The following DACH1 variants were observed in gnomAD, a reference collection of about 807,000 sequenced individuals.
DACH1 encodes dachshund homolog 1.
In DACH1, 12 loss-of-function variants were observed where a neutral mutation model predicts 54.2. The ratio of observed to expected loss-of-function variants is 0.22; its 90% CI spans 0.14 to 0.36. The LOEUF (loss-of-function observed/expected upper bound fraction) is 0.36. Among genes scored for constraint, DACH1 ranks in the 10% least tolerant of loss-of-function variants. The probability of loss-of-function intolerance (pLI) is 1.00; values close to 1 mark genes in which losing one functional copy is unlikely to be tolerated. For synonymous variants in DACH1, 386 were observed against 366.2 expected (o/e 1.05, Z -0.62); for missense variants, 805 against 929.8 (o/e 0.87, Z 1.75).
chr13:71,609,621 G>T (rs978101090), intron 3 of DACH1, among the ~76,000 whole-genome samples: 8 of 151,920 alleles, frequency 5.3e-5, no homozygotes, highest in Non-Finnish European at 1.2e-4. Flanking sequence ...CACTCCCCAG[G>T]TTCAAGTGAT....
At chr13:71,603,307 C>T (rs543696728) in intron 3 of DACH1, among the ~76,000 whole-genome samples, 2 of 152,024 alleles carry the variant, frequency 1.3e-5, no homozygotes, top group South Asian at 4.1e-4. Flanking sequence ...TGTGTACAGA[C>T]TAAAAACAAT....
At chr13:71,499,495 T>C (rs1024216332) in intron 6 of DACH1, among the ~76,000 whole-genome samples, 1 of 152,196 alleles carries the variant, frequency 6.6e-6, no homozygotes, top group Admixed American at 6.5e-5. Flanking sequence ...CCAGGCTTTA[T>C]ATAGAAACTG....
chr13:71,609,396 T>C (rs1875133086), intron 3 of DACH1, among the ~76,000 whole-genome samples: 1 of 152,164 alleles, frequency 6.6e-6, no homozygotes, highest in African/African-American at 2.4e-5. Context: ...ATGTTGATGT[T>C]TTCCTGGTGC....
In DACH1 at chr13:71,614,817, G is replaced by A. The variant is rs573360043; in HGVS notation, c.1126+15739C>T. ...TGCAGTGAGCCGTGATTGCACCATT[G>A]CACCCCAGCCTGGGTGACAAACTAA... On this transcript the variant is annotated intron_variant, in intron 3 of 10. Transcript: ENST00000613252. 3.6e-5 allele frequency among the ~76,000 whole-genome samples: 5 copies of A among 139,176 alleles called. No homozygotes were observed. In the East Asian group the frequency reaches 6.4e-4, roughly 18 times the overall value. The allele number at this position is 139,176 out of a possible 152,430, so 91.3% of individuals were successfully genotyped here. A position where few individuals can be genotyped will look rare whatever the true frequency, so the allele number is the denominator to read the frequency against.
intron 1 of DACH1, among the ~76,000 whole-genome samples, chr13:71,700,894 C>G (rs941133712): frequency 2.0e-5 from 3 of 152,094 alleles, no homozygotes; most frequent in African/African-American, 7.2e-5. Flanking sequence ...AGTAAATTAG[C>G]CTTTAATAAG....
intron 2 of DACH1, among the ~76,000 whole-genome samples, chr13:71,663,968 G>C (rs1176090207): frequency 1.3e-5 from 2 of 151,840 alleles, no homozygotes; most frequent in African/African-American, 2.4e-5. Context: ...TTTATTCCCA[G>C]ATGTAAAATC....
At chr13:71,452,696 C>T (rs1171114272) in intron 10 of DACH1, among the ~76,000 whole-genome samples, 1 of 152,020 alleles carries the variant, frequency 6.6e-6, no homozygotes, top group African/African-American at 2.4e-5. Context: ...CCAGAAATAC[C>T]AGGTTTGAAA....
intron 1 of DACH1, among the ~76,000 whole-genome samples, chr13:71,810,087 T>A (rs1808363361): frequency 6.6e-6 from 1 of 152,196 alleles, no homozygotes; most frequent in African/African-American, 2.4e-5. Context: ...AGACCAATGT[T>A]ACCAATTTCA....
chr13:71,725,074 TA>T (rs940371023), intron 1 of DACH1, among the ~76,000 whole-genome samples: 34 of 149,382 alleles, frequency 2.3e-4, no homozygotes, highest in South Asian at 1.5e-3. Flanking sequence ...ACTGAAACTG[TA>T]AAAAAAAAAT....
chr13:71,445,463 G>C (rs1365598535), intron 10 of DACH1, among the ~76,000 whole-genome samples: 1 of 152,066 alleles, frequency 6.6e-6, no homozygotes, highest in Non-Finnish European at 1.5e-5. Flanking sequence ...GTTCCTAACA[G>C]ATGGACAAAT....
At chr13:71,600,956 C>G (rs769139285) in intron 3 of DACH1, among the ~76,000 whole-genome samples, 6 of 149,496 alleles carry the variant, frequency 4.0e-5, no homozygotes, top group Non-Finnish European at 8.9e-5. Context: ...TTTTTTTAAT[C>G]TCTCCAGAAG....
At chr13:71,542,299 T>C (rs897794201) in intron 6 of DACH1, among the ~76,000 whole-genome samples, 2 of 151,760 alleles carry the variant, frequency 1.3e-5, no homozygotes, top group Admixed American at 1.3e-4. Context: ...ACTTGAAAAA[T>C]AAAATAAAAA....
chr13:71,585,475 G>T (rs998002216), intron 3 of DACH1, among the ~76,000 whole-genome samples: 12 of 152,122 alleles, frequency 7.9e-5, no homozygotes, highest in African/African-American at 2.9e-4. Context: ...GCTGAATTTG[G>T]AAGATGTTTG....
At chr13:71,514,919 G>A (rs1881045854) in intron 6 of DACH1, among the ~76,000 whole-genome samples, 1 of 151,876 alleles carries the variant, frequency 6.6e-6, no homozygotes. Flanking sequence ...TTGATGCTTA[G>A]TCCTTTCCTT....
chr13:71,783,225 T>C (rs941664136), intron 1 of DACH1, among the ~76,000 whole-genome samples: 1 of 152,164 alleles, frequency 6.6e-6, no homozygotes, highest in African/African-American at 2.4e-5. Flanking sequence ...ATTAGATCCA[T>C]AGTGATGCCT....
intron 2 of DACH1, among the ~76,000 whole-genome samples, chr13:71,662,331 G>A (rs1299901555): frequency 3.3e-5 from 5 of 151,874 alleles, no homozygotes; most frequent in African/African-American, 7.3e-5. Context: ...TAAAAATCAC[G>A]ATCAAAATAT....
intron 2 of DACH1, among the ~76,000 whole-genome samples, chr13:71,669,012 T>C (rs940845440): frequency 6.6e-6 from 1 of 152,172 alleles, no homozygotes; most frequent in African/African-American, 2.4e-5. Context: ...AGAACTGATA[T>C]ATTCAAACAT....
intron 6 of DACH1, among the ~76,000 whole-genome samples, chr13:71,552,513 AT>A (rs915468489): frequency 6.6e-6 from 1 of 151,784 alleles, no homozygotes; most frequent in African/African-American, 2.4e-5. Context: ...AGTAGCAGCA[AT>A]TTAAGAAAAA....
At chr13:71,779,022 C>A (rs993924942) in intron 1 of DACH1, among the ~76,000 whole-genome samples, 10 of 151,266 alleles carry the variant, frequency 6.6e-5, no homozygotes, top group Non-Finnish European at 1.0e-4. Context: ...ACCTTTTCTT[C>A]TGTCATACCT....
Sources: allele counts gnomAD v4.1 joint callset (sites outside exome capture counted in the v4.1 genomes callset), GRCh38; gene constraint gnomAD v4.1.1; transcripts MANE v1.5; gene names NCBI Gene and HGNC (gene_info 2026-07-23, HGNC 2026-07-21).